Variants in MTMR10 observed in about 807,000 individuals in gnomAD.
MTMR10 encodes the protein myotubularin-related protein 10.
In MTMR10, 56 loss-of-function variants were observed where a neutral mutation model predicts 88.1. The observed-to-expected ratio is 0.64, with a 90% CI of 0.51 to 0.79. The LOEUF (loss-of-function observed/expected upper bound fraction) is 0.79. Among genes scored for constraint, MTMR10 ranks in the 30% least tolerant of loss-of-function variants. MTMR10 has a pLI of 0.00. For missense variants in MTMR10, 883 were observed against 924.7 expected (o/e 0.95, Z 0.58); for synonymous variants, 380 against 340.9 (o/e 1.11, Z -1.26).
rs554245234 is a variant in MTMR10 at position 30,960,430 on chromosome 15, C to A, written c.758+451G>T. Among the ~76,000 whole-genome samples, 56 of 152,270 alleles carry A rather than the reference C, an allele frequency of 3.7e-4. 1 individual carries two copies. Among genetic ancestry groups the A allele is most frequent in the African/African-American group, 1.3e-3 (53 of 41,564 alleles). ...ATATTAGAGACAGAGGAACACATTA[C>A]GGGACACCCTGGGGATAAAACAAGC... On this transcript the variant is annotated intron_variant, in intron 7 of 15. Transcript: ENST00000435680.
chr15:30,955,463 G>A (rs1331760126), intron 9 of MTMR10, among the ~76,000 whole-genome samples: 1 of 152,100 alleles, frequency 6.6e-6, no homozygotes, highest in Non-Finnish European at 1.5e-5. Context: ...GTAGAGGCGG[G>A]GTTTCACCAT....
chr15:30,978,561 T>A (rs1273697358), intron 2 of MTMR10, among the ~76,000 whole-genome samples: 1 of 152,206 alleles, frequency 6.6e-6, no homozygotes, highest in African/African-American at 2.4e-5. Context: ...GTCACAGAAC[T>A]GCCACTGCTT....
At chr15:30,938,196 A>AT (rs1290866154), downstream of MTMR10, among the ~76,000 whole-genome samples, 1 of 152,042 alleles carries the variant, frequency 6.6e-6, no homozygotes, top group Non-Finnish European at 1.5e-5. Flanking sequence ...AAAAAAAAAA[A>AT]TTTAAAAACT....
intron 14 of MTMR10, chr15:30,946,455 C>T (rs571335201): frequency 3.1e-4 from 110 of 350,452 alleles, no homozygotes; most frequent in African/African-American, 2.1e-3. Context: ...TTCCCGCTCC[C>T]TAGGTCACAC....
chr15:30,933,259 G>A, the MTMR10 span, among the ~76,000 whole-genome samples: 27 of 152,220 alleles, frequency 1.8e-4, 1 homozygote, highest in Middle Eastern at 0.014. Context: ...ATAGAGTTAG[G>A]TAGTGCTCCA....
chr15:30,921,998 T>C, the MTMR10 span, among the ~76,000 whole-genome samples: 1 of 152,224 alleles, frequency 6.6e-6, no homozygotes, highest in African/African-American at 2.4e-5. Flanking sequence ...CAGATGTCTG[T>C]ACCCCAGTGC....
At chr15:30,925,197 A>G in the MTMR10 span, 2 of 1,614,082 alleles carry the variant, frequency 1.2e-6, no homozygotes, top group Non-Finnish European at 1.7e-6. Context: ...TCACTGTATC[A>G]GCGAGCCGTG....
the MTMR10 span, chr15:30,925,641 A>G: frequency 4.4e-6 from 4 of 908,250 alleles, no homozygotes; most frequent in Non-Finnish European, 6.8e-6. Flanking sequence ...ACATCCCCGC[A>G]GTTCTGCGTG....
intron 6 of MTMR10, chr15:30,966,095 A>C: frequency 2.2e-6 from 1 of 452,276 alleles, no homozygotes; most frequent in South Asian, 1.6e-5. Flanking sequence ...AATCTTAACA[A>C]AACTATGGCC....
At chr15:30,949,333 T>C (rs1049536424) in intron 12 of MTMR10, 2 of 152,168 alleles carry the variant, frequency 1.3e-5, no homozygotes, top group African/African-American at 4.8e-5. Context: ...CTTCTCCATC[T>C]CATTGAACTG....
chr15:30,946,387 G>T, intron 14 of MTMR10: 1 of 233,674 alleles, frequency 4.3e-6, no homozygotes, highest in Non-Finnish European at 8.2e-6. Flanking sequence ...CTCTCAGGCT[G>T]AAGCCTGAGT....
chr15:30,933,480 A>C, the MTMR10 span, among the ~76,000 whole-genome samples: 2 of 152,190 alleles, frequency 1.3e-5, no homozygotes, highest in Non-Finnish European at 2.9e-5. Flanking sequence ...TTGTATTCAG[A>C]GGACATATTT....
the MTMR10 span, among the ~76,000 whole-genome samples, chr15:30,919,086 G>C: frequency 6.6e-6 from 1 of 152,138 alleles, no homozygotes; most frequent in Admixed American, 6.5e-5. Context: ...TGTTATTAAG[G>C]AAAATCATAA....
intron 11 of MTMR10, among the ~76,000 whole-genome samples, chr15:30,953,344 AGAC>A (rs1032301537): frequency 1.2e-4 from 18 of 152,194 alleles, no homozygotes; most frequent in African/African-American, 4.1e-4. Context: ...GCATGCACAC[AGAC>A]GACAGCATGT....
chr15:30,978,423 TTC>T (rs1168415833), intron 2 of MTMR10, among the ~76,000 whole-genome samples: 1 of 152,144 alleles, frequency 6.6e-6, no homozygotes, highest in Non-Finnish European at 1.5e-5. Flanking sequence ...TGACACTTGG[TTC>T]TGTCCACCAT....
intron 2 of MTMR10, among the ~76,000 whole-genome samples, chr15:30,979,932 C>T (rs2030447974): frequency 6.6e-6 from 1 of 152,226 alleles, no homozygotes; most frequent in African/African-American, 2.4e-5. Context: ...CTCATTTGTT[C>T]ATGTGCCATC....
intron 2 of MTMR10, among the ~76,000 whole-genome samples, chr15:30,981,399 C>G (rs61997139): frequency 0.29 from 44,164 of 152,204 alleles, 6,816 homozygotes; most frequent in Non-Finnish European, 0.33. Context: ...AATAACCAAT[C>G]ATGTTGATGT....
At chr15:30,923,470 GCCT>G in the MTMR10 span, among the ~76,000 whole-genome samples, 13 of 152,224 alleles carry the variant, frequency 8.5e-5, no homozygotes, top group African/African-American at 3.1e-4. Flanking sequence ...TTTGAGCTAA[GCCT>G]AGTTCCTCCT....
chr15:30,941,885 T>C lies in MTMR10; in HGVS notation c.1919A>G (p.Asn640Ser), dbSNP rs375121625. 350 of 1,613,886 alleles carry C rather than the reference T, an allele frequency of 2.2e-4. No individual in the cohort carries two copies. The highest frequency in any genetic ancestry group is 2.8e-4 in the Non-Finnish European group (331 of 1,179,902). ...ACGTGGCAGAATAACACCGTGCAGG[T>C]TGGCGGGTTTGGAAAACCATTCTCT... is the stretch of plus-strand genomic sequence containing the variant. ...YFREWFSKPA[N>S]LHGVILPRVS... Residue 640 changes from asparagine to serine, a missense_variant, in exon 16 of 16, where the codon AAC (asparagine) becomes AGC (serine). By Grantham distance (46) the Asn-to-Ser change is conservative. Transcript: ENST00000435680.
Sources: gnomAD v4.1 joint callset for allele counts (sites outside exome capture counted in the v4.1 genomes callset) on GRCh38, gnomAD v4.1.1 for gene constraint, MANE v1.5 for transcripts, NCBI Gene and HGNC (gene_info 2026-07-23, HGNC 2026-07-21) for gene names.